TRPM6: variants seen among roughly 807,000 people sequenced by gnomAD.
TRPM6 encodes the protein transient receptor potential cation channel subfamily M member 6, also known as channel kinase 2.
A neutral mutation model predicts 247.6 loss-of-function variants in TRPM6; 111 were observed. The ratio of observed to expected loss-of-function variants is 0.45; its 90% confidence interval spans 0.38 to 0.52. The LOEUF (loss-of-function observed/expected upper bound fraction) is 0.52. Ranked by LOEUF, TRPM6 falls within the 20% of genes least tolerant of loss-of-function variation. The pLI is 0.00. For synonymous variants in TRPM6, 892 were observed against 853.8 expected, an observed-to-expected ratio of 1.04 and a Z score of -0.78; for missense variants, 2,126 against 2,421.5, an observed-to-expected ratio of 0.88 and a Z score of 2.56.
At chr9:74,740,098 C>A in intron 33 of TRPM6, 89 bp from the exon 34 acceptor site, 1 of 1,442,664 alleles carries the variant, frequency 6.9e-7, no homozygotes, top group South Asian at 1.2e-5. Flanking sequence ...AGAATCAGTT[C>A]AGTTACCCAA....
chr9:74,746,837 G>A (rs1563994747), intron 31 of TRPM6, among the ~76,000 whole-genome samples: 1 of 151,906 alleles, frequency 6.6e-6, no homozygotes, highest in Non-Finnish European at 1.5e-5. Context: ...GAGGGGGTGG[G>A]GAGTGGCGGG....
chr9:74,786,152 A>G, intron 20 of TRPM6, 27 bp from the exon 21 acceptor site: 2 of 1,613,636 alleles, frequency 1.2e-6, no homozygotes, highest in Non-Finnish European at 8.5e-7. Flanking sequence ...GGAAACTTTA[A>G]AAAGGAGGTA....
At chr9:74,785,764 C>T (rs1227379936) in intron 21 of TRPM6, 110 bp downstream of exon 21, 1 of 1,200,178 alleles carries the variant, frequency 8.3e-7, no homozygotes, top group South Asian at 1.2e-5. Flanking sequence ...ACCTTGTGAT[C>T]CGCCCGCCTT....
intron 19 of TRPM6, among the ~76,000 whole-genome samples, chr9:74,789,893 C>T (rs569958606): frequency 4.3e-5 from 6 of 139,860 alleles, no homozygotes; most frequent in South Asian, 2.3e-4. Flanking sequence ...CCCAGAAGGC[C>T]GAGGTTGCAG....
chr9:74,884,493 A>G (rs981467161), intron 1 of TRPM6, among the ~76,000 whole-genome samples: 7 of 132,580 alleles, frequency 5.3e-5, no homozygotes, highest in South Asian at 2.4e-4. Flanking sequence ...TGTCTCAAAA[A>G]TAAATACATA....
At chr9:74,878,256 T>C (rs1056046573) in intron 1 of TRPM6, among the ~76,000 whole-genome samples, 3 of 152,106 alleles carry the variant, frequency 2.0e-5, no homozygotes, top group Non-Finnish European at 4.4e-5. Flanking sequence ...AGGACACACC[T>C]GCCTGCCCTT....
At chr9:74,795,492 C>A (rs73532477) in intron 18 of TRPM6, among the ~76,000 whole-genome samples, 1 of 152,132 alleles carries the variant, frequency 6.6e-6, no homozygotes, top group Non-Finnish European at 1.5e-5. Context: ...ATACCACTTG[C>A]GATGCTTTAC....
chr9:74,847,411 G>T (rs552534431), intron 3 of TRPM6, among the ~76,000 whole-genome samples: 7 of 151,982 alleles, frequency 4.6e-5, no homozygotes, highest in Non-Finnish European at 8.8e-5. Flanking sequence ...TGAACTCCTG[G>T]GCTCCAACAA....
At chr9:74,868,200 C>CA (rs1830915513) in intron 1 of TRPM6, among the ~76,000 whole-genome samples, 1 of 138,434 alleles carries the variant, frequency 7.2e-6, no homozygotes, top group African/African-American at 2.7e-5. Context: ...ATAAATAAAA[C>CA]AAAAAAGTGT....
chr9:74,816,162 G>T (rs1000611674), intron 11 of TRPM6, among the ~76,000 whole-genome samples: 3 of 152,112 alleles, frequency 2.0e-5, no homozygotes, highest in African/African-American at 4.8e-5. Flanking sequence ...AGACCAGCCT[G>T]GGCAATATAA....
intron 3 of TRPM6, among the ~76,000 whole-genome samples, chr9:74,850,109 C>A (rs10869445): frequency 0.29 from 44,146 of 152,194 alleles, 7,652 homozygotes; most frequent in East Asian, 0.5. Flanking sequence ...CAGTGGCTCA[C>A]GCCTGTAATG....
rs777016678 is a variant in TRPM6, at chr9:74,739,833, C to T, written c.5377G>A (p.Asp1793Asn). The T allele has an allele frequency of 1.2e-6, 2 of 1,614,158 alleles. No individual in the cohort carries two copies. The highest frequency in any genetic ancestry group is 1.1e-5 in the South Asian group (1 of 91,060). ...MRVVSTWSED[D>N]ILKPGQVFIV... ...AAAACTTGTCCCGGCTTGAGAATGT[C>T]ATCCTCAGACCAAGTGCTGACGACT... The change falls in exon 34 of 39, where the codon GAC becomes AAC. Residue 1793 changes from aspartate to asparagine, a missense_variant. Asp to Asn is a conservative substitution (Grantham distance 23, BLOSUM62 1). This residue lies in a region of TRPM6 where 327 missense variants were observed against 397.7 expected (regional missense o/e 0.82). Coordinates refer to ENST00000360774, the MANE Select transcript of TRPM6 (RefSeq NM_017662.5).
At chr9:74,752,107 T>C (rs2118793842) in intron 29 of TRPM6, among the ~76,000 whole-genome samples, 170 bp downstream of exon 29, 1 of 152,170 alleles carries the variant, frequency 6.6e-6, no homozygotes, top group South Asian at 2.1e-4. Context: ...GTGGAGGGGA[T>C]TGAAAAAATA....
chr9:74,778,531 T>C (rs573925256), intron 23 of TRPM6, among the ~76,000 whole-genome samples: 53 of 152,322 alleles, frequency 3.5e-4, no homozygotes, highest in African/African-American at 1.2e-3. Context: ...CACTGATCCC[T>C]GGACGCCACT....
Position 74,739,719 on chromosome 9 carries a change from T to C in TRPM6, c.5487+4A>G. On this transcript the variant is annotated splice_donor_region_variant and intron_variant, in intron 34 of 38. Coordinates refer to ENST00000360774, the MANE Select transcript of TRPM6 (RefSeq NM_017662.5). ...GGCTATGGGTCTCTGAGTTTCAGACTTACCCTGAGGCAAAGATGAAGCACA... is the reference window on the plus strand; with the variant it reads ...GGCTATGGGTCTCTGAGTTTCAGACCTACCCTGAGGCAAAGATGAAGCACA... 6.2e-7 allele frequency: 1 copy of C among 1,611,152 alleles called. No homozygotes were observed. The highest frequency in any genetic ancestry group is 8.5e-7 in the Non-Finnish European group (1 of 1,179,992).
chr9:74,751,492 A>G (rs1277196239), intron 29 of TRPM6, among the ~76,000 whole-genome samples: 1 of 152,238 alleles, frequency 6.6e-6, no homozygotes, highest in East Asian at 1.9e-4. Flanking sequence ...TGCTATTCCT[A>G]CAAGAATATC....
intron 28 of TRPM6, among the ~76,000 whole-genome samples, chr9:74,753,100 G>A (rs1430650375): frequency 8.2e-6 from 1 of 121,622 alleles, no homozygotes; most frequent in Non-Finnish European, 1.6e-5. Flanking sequence ...GCGACAGAGT[G>A]AGACTGTCTC....
intron 1 of TRPM6, among the ~76,000 whole-genome samples, chr9:74,872,621 T>TGTGTGC (rs775789817): frequency 0.013 from 1,967 of 151,982 alleles, 38 homozygotes; most frequent in African/African-American, 0.044. Flanking sequence ...TGTGTGTGTG[T>TGTGTGC]GTGCATGCGC....
At chr9:74,753,386 G>T (rs1029560596) in intron 28 of TRPM6, among the ~76,000 whole-genome samples, 1 of 151,938 alleles carries the variant, frequency 6.6e-6, no homozygotes, top group Non-Finnish European at 1.5e-5. Flanking sequence ...AAGTATACAA[G>T]AAGTATAAAA....
Sources: gnomAD v4.1 joint callset for allele counts (sites outside exome capture counted in the v4.1 genomes callset) on GRCh38, gnomAD v4.1.1 for gene constraint, gnomAD v4.1.1 regional missense constraint, MANE v1.5 for transcripts, NCBI Gene and HGNC (gene_info 2026-07-23, HGNC 2026-07-21) for gene names.